CELF2: variants seen among roughly 807,000 people sequenced by gnomAD.
The protein encoded by CELF2 is CUG triplet repeat RNA-binding protein 2.
Under a neutral mutation model 62.6 loss-of-function variants are expected in CELF2, and 8 were observed. The ratio of observed to expected loss-of-function variants is 0.13; its 90% CI spans 0.07 to 0.23. CELF2 has a LOEUF of 0.23. CELF2 is among the 10% of genes least tolerant of loss of function. CELF2 has a pLI of 1.00. For missense variants in CELF2, 333 were observed against 671.0 expected, an observed-to-expected ratio of 0.50 and a Z score of 5.56; for synonymous variants, 258 against 250.0, an observed-to-expected ratio of 1.03 and a Z score of -0.30.
chr10:10,977,326 C>T (rs1027571053), intron 2 of CELF2, among the ~76,000 whole-genome samples: 2 of 152,140 alleles, frequency 1.3e-5, no homozygotes, highest in Non-Finnish European at 2.9e-5. Flanking sequence ...TGCAGGTCCA[C>T]GATGTTTGCC....
At chr10:10,507,138 T>C in the CELF2 span, among the ~76,000 whole-genome samples, 1 of 152,204 alleles carries the variant, frequency 6.6e-6, no homozygotes, top group Non-Finnish European at 1.5e-5. Flanking sequence ...GGCACTTCAA[T>C]GTAACGTTGA....
At chr10:10,716,370 G>A in the CELF2 span, among the ~76,000 whole-genome samples, 6 of 152,186 alleles carry the variant, frequency 3.9e-5, no homozygotes, top group East Asian at 1.9e-4. Flanking sequence ...GCGAAACCCC[G>A]CCTCTACTAA....
intron 1 of CELF2, among the ~76,000 whole-genome samples, chr10:10,911,151 C>G (rs947909473): frequency 9.9e-5 from 15 of 152,110 alleles, no homozygotes; most frequent in African/African-American, 3.6e-4. Flanking sequence ...AAACATAAGC[C>G]CTTCCCACTA....
At chr10:11,146,177 A>G (rs1361399145) in intron 1 of CELF2, among the ~76,000 whole-genome samples, 1 of 152,266 alleles carries the variant, frequency 6.6e-6, no homozygotes, top group South Asian at 2.1e-4. Context: ...TCCATTTACT[A>G]CACTTCCTAC....
chr10:10,912,763 G>A (rs945015601), intron 1 of CELF2, among the ~76,000 whole-genome samples: 5 of 152,206 alleles, frequency 3.3e-5, no homozygotes, highest in Non-Finnish European at 5.9e-5. Flanking sequence ...TGTGGCTTAC[G>A]CATACTCCCC....
chr10:10,989,185 C>T (rs889628670), intron 2 of CELF2, among the ~76,000 whole-genome samples: 1 of 152,074 alleles, frequency 6.6e-6, no homozygotes, highest in Non-Finnish European at 1.5e-5. Flanking sequence ...AAATTTTTCC[C>T]AGATAAATCC....
rs151193116 is a variant in CELF2, at chr10:10,811,684, G to A, written c.53+12867G>A. ...GTGTCAGGTATTGGCTGGAACACAG[G>A]GTCAATTCTTTTGGCATCCTGGAGC... On this transcript the variant is annotated intron_variant, in intron 1 of 13. Transcript: ENST00000636488. Among the ~76,000 whole-genome samples the A allele has an allele frequency of 1.2e-3, 188 of 152,262 alleles. 1 individual carries two copies. The highest frequency in any genetic ancestry group is 4.3e-3 in the African/African-American group (178 of 41,530).
At chr10:10,795,437 G>A (rs1042343402), upstream of CELF2, among the ~76,000 whole-genome samples, 3 of 152,138 alleles carry the variant, frequency 2.0e-5, no homozygotes, top group Admixed American at 6.6e-5. Context: ...AGTTTATTAA[G>A]GCTGAACCTA....
chr10:10,607,033 C>A, the CELF2 span, among the ~76,000 whole-genome samples: 5 of 152,144 alleles, frequency 3.3e-5, no homozygotes, highest in African/African-American at 4.8e-5. Context: ...ATTGCTGAGA[C>A]CTTTAAACAT....
At chr10:11,123,583 A>G (rs1242718689) in intron 1 of CELF2, among the ~76,000 whole-genome samples, 1 of 152,120 alleles carries the variant, frequency 6.6e-6, no homozygotes, top group African/African-American at 2.4e-5. Flanking sequence ...GAGGGTTAAG[A>G]GTTGGGTGAT....
chr10:11,275,174 G>T, intron 8 of CELF2, 54 bp downstream of exon 8: 1 of 1,576,516 alleles, frequency 6.3e-7, no homozygotes, highest in Non-Finnish European at 8.7e-7. Flanking sequence ...AGAATTTGGG[G>T]TTGGTTCCGA....
At chr10:10,565,766 T>C in the CELF2 span, among the ~76,000 whole-genome samples, 2 of 152,204 alleles carry the variant, frequency 1.3e-5, no homozygotes, top group African/African-American at 4.8e-5. Context: ...AGAGCCTATT[T>C]GTGTGATCAT....
At chr10:10,505,117 G>T in the CELF2 span, among the ~76,000 whole-genome samples, 2 of 152,006 alleles carry the variant, frequency 1.3e-5, no homozygotes, top group Non-Finnish European at 2.9e-5. Flanking sequence ...TTAAAACCTA[G>T]ACATTTTTGT....
At chr10:11,283,648 T>A (rs1203597483) in intron 8 of CELF2, among the ~76,000 whole-genome samples, 1 of 149,660 alleles carries the variant, frequency 6.7e-6, no homozygotes, top group Admixed American at 6.6e-5. Flanking sequence ...GCATGGTTGA[T>A]GGACGATGGG....
chr10:10,726,972 T>C, the CELF2 span, among the ~76,000 whole-genome samples: 4 of 152,260 alleles, frequency 2.6e-5, no homozygotes, highest in East Asian at 5.8e-4. Flanking sequence ...TGTGTTCTCA[T>C]GGCTGGAGTA....
chr10:10,868,029 C>T (rs2060494838), intron 1 of CELF2, among the ~76,000 whole-genome samples: 2 of 152,180 alleles, frequency 1.3e-5, no homozygotes, highest in African/African-American at 2.4e-5. Context: ...TACAATCTTG[C>T]TTATTCTTGT....
chr10:11,107,398 C>T (rs1033185448), intron 1 of CELF2, among the ~76,000 whole-genome samples: 4 of 152,172 alleles, frequency 2.6e-5, no homozygotes, highest in African/African-American at 9.7e-5. Context: ...GGAATCCTCT[C>T]ATCCACCAAT....
chr10:11,281,254 C>T (rs1350336974), intron 8 of CELF2, among the ~76,000 whole-genome samples: 2 of 152,110 alleles, frequency 1.3e-5, no homozygotes, highest in African/African-American at 4.8e-5. Context: ...CATACTTTTT[C>T]ATAAAATGTC....
In CELF2 at chr10:11,300,520, A is replaced by G. The variant is rs1044307650; in HGVS notation, c.976+11968A>G. On this transcript the variant is annotated intron_variant, in intron 9 of 12. Coordinates refer to ENST00000633077, the MANE Select transcript of CELF2 (RefSeq NM_001326342.2). The surrounding 1 kb of genome is among the most constrained non-coding windows in gnomAD (Gnocchi z 5.5). ...CTGCAGCGCCCAGTGTCACTTTCCA[A>G]CCCTACCTCCTCTTCCTCAGTCACC... Among the ~76,000 whole-genome samples, 14 of 151,848 alleles carry G rather than the reference A, an allele frequency of 9.2e-5. No homozygotes were observed. The highest frequency in any genetic ancestry group is 3.1e-4 in the African/African-American group (13 of 41,326).
Sources: gnomAD v4.1 joint callset for allele counts (sites outside exome capture counted in the v4.1 genomes callset) on GRCh38, gnomAD v4.1.1 for gene constraint, Gnocchi (gnomAD v3.1) non-coding constraint, MANE v1.5 for transcripts, NCBI Gene and HGNC (gene_info 2026-07-23, HGNC 2026-07-21) for gene names.